Variants in DNM3 observed in about 807,000 individuals in gnomAD.
DNM3 encodes the protein dynamin 3.
In DNM3, 47 loss-of-function variants were observed where a neutral mutation model predicts 101.6. The observed-to-expected ratio is 0.46, with a 90% CI of 0.37 to 0.59. The LOEUF (loss-of-function observed/expected upper bound fraction) is 0.59. Among genes scored for constraint, DNM3 ranks in the 20% least tolerant of loss-of-function variants. The pLI is 0.00. For missense variants in DNM3, 849 were observed against 1,085.7 expected (o/e 0.78, Z 3.06); for synonymous variants, 385 against 387.9 (o/e 0.99, Z 0.09).
At chr1:171,935,325 G>A (rs912400710) in intron 2 of DNM3, among the ~76,000 whole-genome samples, 2 of 152,146 alleles carry the variant, frequency 1.3e-5, no homozygotes, top group African/African-American at 2.4e-5. Context: ...TTTGTTATAG[G>A]ACATTTAGTA....
At chr1:172,043,282 G>A (rs1488313499) in intron 8 of DNM3, among the ~76,000 whole-genome samples, 1 of 152,088 alleles carries the variant, frequency 6.6e-6, no homozygotes. Context: ...CCCATCAGAT[G>A]AGGGAAATGG....
At chr1:172,042,758 A>G (rs750481190) in intron 8 of DNM3, among the ~76,000 whole-genome samples, 1 of 152,172 alleles carries the variant, frequency 6.6e-6, no homozygotes, top group Non-Finnish European at 1.5e-5. Flanking sequence ...GGAGAGGGGC[A>G]TGAAGTGAAT....
At chr1:172,340,343 C>G (rs986354356) in intron 17 of DNM3, among the ~76,000 whole-genome samples, 2 of 152,202 alleles carry the variant, frequency 1.3e-5, no homozygotes, top group Non-Finnish European at 2.9e-5. Context: ...CAGCACCGCT[C>G]TGTCCCCATT....
chr1:172,400,448 GAAGGAGGGAAGGGGCAGGACAGGAGAA>G (rs1160870000), intron 20 of DNM3, among the ~76,000 whole-genome samples: 2 of 151,886 alleles, frequency 1.3e-5, no homozygotes, highest in South Asian at 2.1e-4. Flanking sequence ...GGAAAGGAGG[GAAGGAGGGAAGGGGCAGGACAGGAGAA>G]AAGGAGGAAA....
intron 1 of DNM3, among the ~76,000 whole-genome samples, chr1:171,903,024 A>C (rs1236317333): frequency 6.6e-6 from 1 of 152,036 alleles, no homozygotes; most frequent in Non-Finnish European, 1.5e-5. Context: ...ATGGTGGTGG[A>C]CTGCCAAATA....
chr1:171,968,994 A>G (rs1331524317), intron 2 of DNM3, among the ~76,000 whole-genome samples: 1 of 152,154 alleles, frequency 6.6e-6, no homozygotes, highest in African/African-American at 2.4e-5. Flanking sequence ...TTGATGGAAA[A>G]ACACTTTATT....
chr1:172,184,277 G>A (rs2059449157), intron 14 of DNM3, among the ~76,000 whole-genome samples: 1 of 152,026 alleles, frequency 6.6e-6, no homozygotes. Flanking sequence ...TGTTAAACAA[G>A]CAAAGAAAAT....
Position 172,173,345 on chromosome 1 carries a change from T to C in DNM3, c.1659+42057T>C, listed in dbSNP as rs77673375. Reference sequence around the variant, plus strand: ...CAGAGTGGCAGTGTCAATAACTACATAGGGAATCTAGAAGAAGATGCAGGG... The same window carrying C: ...CAGAGTGGCAGTGTCAATAACTACACAGGGAATCTAGAAGAAGATGCAGGG... On this transcript the variant is annotated intron_variant, in intron 14 of 20. Transcript: ENST00000627582. Among the ~76,000 whole-genome samples the C allele has an allele frequency of 1.4e-3, 208 of 151,762 alleles. 3 individuals carry two copies. In the East Asian group the frequency reaches 0.038, roughly 28 times the overall value.
Position 172,143,802 on chromosome 1 carries a change from G to A in DNM3, c.1659+12514G>A, listed in dbSNP as rs563057402. 2.0e-5 allele frequency among the ~76,000 whole-genome samples: 3 copies of A among 152,214 alleles called. No homozygotes were observed. In the South Asian group the frequency reaches 6.2e-4, roughly 32 times the overall value. ...ATTTACTCAGTTGCTGACTCAATAA[G>A]TTGTGGGTCGGTGCTCTTCTCTGGG... On this transcript the variant is annotated intron_variant, in intron 14 of 20. Coordinates refer to ENST00000627582, the MANE Select transcript of DNM3 (RefSeq NM_015569.5).
rs571856466 is a variant in DNM3 at position 172,386,288 on chromosome 1, ATAG to A, written c.2059-840_2059-838del. Among the ~76,000 whole-genome samples the A allele has an allele frequency of 3.7e-3, 564 of 151,970 alleles. 2 individuals carry two copies. Among genetic ancestry groups the A allele is most frequent in the Middle Eastern group, 0.021 (6 of 292 alleles). Reference sequence around the variant, plus strand: ...TTTGTCTGAATAGTCAGCACATATGATAGTAGTGTTTCTTAAAATCACTGGTGT... The same window carrying A: ...TTTGTCTGAATAGTCAGCACATATGATAGTGTTTCTTAAAATCACTGGTGT... On this transcript the variant is annotated intron_variant, in intron 18 of 20. Transcript: ENST00000627582.
rs1438485648 is a variant in DNM3, at chr1:172,008,906, TATC to T, written c.589+19761_589+19763del. Among the ~76,000 whole-genome samples, 156 of 137,622 alleles carry T rather than the reference TATC, an allele frequency of 1.1e-3. 2 individuals are homozygous for T. The highest frequency in any genetic ancestry group is 3.5e-3 in the African/African-American group (133 of 37,954). The allele number at this position is 137,622 out of a possible 152,430, so 90.3% of individuals were successfully genotyped here. On this transcript the variant is annotated intron_variant, in intron 4 of 20. Coordinates refer to ENST00000627582, the MANE Select transcript of DNM3 (RefSeq NM_015569.5). The stretch of plus-strand genomic sequence containing the variant: ...TATTATATTAAAATATTAATAAATA[TATC>T]ATATTAAATATTATATTAATTAAAT...
chr1:172,016,522 A>G (rs1056962357), intron 4 of DNM3, among the ~76,000 whole-genome samples: 1 of 152,152 alleles, frequency 6.6e-6, no homozygotes, highest in African/African-American at 2.4e-5. Flanking sequence ...TTTGTTGAGG[A>G]TTGTTGAACC....
At chr1:172,373,951 T>C (rs1312015082) in intron 17 of DNM3, among the ~76,000 whole-genome samples, 1 of 152,080 alleles carries the variant, frequency 6.6e-6, no homozygotes, top group Non-Finnish European at 1.5e-5. Context: ...TAAGCTCCTT[T>C]AAATTTTAAT....
chr1:172,273,959 G>A (rs1359164473), intron 15 of DNM3, among the ~76,000 whole-genome samples: 3 of 151,990 alleles, frequency 2.0e-5, no homozygotes, highest in African/African-American at 7.2e-5. Context: ...TTCATGCAAT[G>A]GGGGGTGTGC....
intron 1 of DNM3, among the ~76,000 whole-genome samples, chr1:171,856,296 T>G (rs1269588489): frequency 1.3e-5 from 2 of 152,214 alleles, no homozygotes; most frequent in Non-Finnish European, 2.9e-5. Flanking sequence ...TAGTTTGAAG[T>G]CAGGTAGTAT....
At chr1:172,398,663 C>A (rs1217712585) in intron 20 of DNM3, among the ~76,000 whole-genome samples, 1 of 152,192 alleles carries the variant, frequency 6.6e-6, no homozygotes, top group East Asian at 1.9e-4. Context: ...TTCTTACGTA[C>A]AGCCTCCATG....
chr1:171,964,478 C>T (rs1291756022), intron 2 of DNM3, among the ~76,000 whole-genome samples: 1 of 152,110 alleles, frequency 6.6e-6, no homozygotes, highest in Non-Finnish European at 1.5e-5. Context: ...CTTTCCAGAC[C>T]AAACCAATGT....
At chr1:172,013,985 C>A (rs1449291514) in intron 4 of DNM3, among the ~76,000 whole-genome samples, 2 of 152,078 alleles carry the variant, frequency 1.3e-5, no homozygotes, top group South Asian at 2.1e-4. Flanking sequence ...TCCCATATAA[C>A]CTCATCCCCA....
At chr1:172,329,715 T>G (rs1000045675) in intron 17 of DNM3, among the ~76,000 whole-genome samples, 1 of 152,082 alleles carries the variant, frequency 6.6e-6, no homozygotes, top group African/African-American at 2.4e-5. Context: ...GGATTAAATA[T>G]TCTCAAAATA....
Sources: gnomAD v4.1 joint callset for allele counts (sites outside exome capture counted in the v4.1 genomes callset) on GRCh38, gnomAD v4.1.1 for gene constraint, MANE v1.5 for transcripts, NCBI Gene and HGNC (gene_info 2026-07-23, HGNC 2026-07-21) for gene names.